The following ARHGEF18 variants were observed in gnomAD, a reference collection of about 807,000 sequenced individuals.
ARHGEF18 encodes rho guanine nucleotide exchange factor 18.
Under a neutral mutation model 155.7 loss-of-function variants are expected in ARHGEF18, and 93 were observed. That is an observed-to-expected ratio of 0.60 (90% CI 0.50 to 0.71). The LOEUF is 0.71. Among genes scored for constraint, ARHGEF18 ranks in the 30% least tolerant of loss-of-function variants. ARHGEF18 has a pLI of 0.00. For synonymous variants in ARHGEF18, 742 were observed against 753.1 expected (o/e 0.99, Z 0.24); for missense variants, 1,593 against 1,816.1 (o/e 0.88, Z 2.23).
rs1275484977 is a variant in ARHGEF18, at chr19:7,470,150, C to T, written c.3938C>T (p.Pro1313Leu). The change falls in exon 29 of 29, where the codon CCA becomes CTA. Residue 1313 changes from proline to leucine, a missense_variant. Physicochemically the swap from Pro to Leu is moderately conservative, Grantham distance 98 (BLOSUM62 -3). Transcript: ENST00000668164. This position sits in a 1 kb window ranked among gnomAD's most constrained non-coding sequence, Gnocchi z 5.9. ...PPDPGFPAPS[P>L]PPADSPSEGF... is the part of the protein sequence containing the mutation. Reference sequence around the variant, plus strand: ...GACCCTGGCTTCCCCGCCCCGAGCCCACCGCCAGCTGACAGCCCCTCCGAG... The same window carrying T: ...GACCCTGGCTTCCCCGCCCCGAGCCTACCGCCAGCTGACAGCCCCTCCGAG... 3 of 1,612,310 alleles carry T rather than the reference C, an allele frequency of 1.9e-6. No homozygotes were observed. Among genetic ancestry groups the T allele is most frequent in the South Asian group, 2.2e-5 (2 of 91,074 alleles).
rs201860068 is a variant in ARHGEF18 at position 7,467,322 on chromosome 19, C to A, written c.3118C>A (p.Gln1040Lys). 616 of 1,539,134 alleles carry A rather than the reference C, an allele frequency of 4.0e-4. 3 individuals carry two copies. In the African/African-American group the frequency reaches 7.6e-3, roughly 19 times the overall value. Residue 1040 changes from glutamine to lysine, a missense_variant, in exon 26 of 29, where the codon CAG (glutamine) becomes AAG (lysine). Coordinates refer to ENST00000668164, the MANE Select transcript of ARHGEF18 (RefSeq NM_001367823.1). Reference protein sequence around the residue: ...QSTRGNLLLEQERQRNFEKQR... With the variant: ...QSTRGNLLLEKERQRNFEKQR... ...GACGCGTGGGAACCTGCTGCTGGAGCAGGAGCGGCAACGCAACTTCGAGAA... is the reference window on the plus strand; with the variant it reads ...GACGCGTGGGAACCTGCTGCTGGAGAAGGAGCGGCAACGCAACTTCGAGAA...
chr19:7,390,045 A>G (rs2145501981), intron 10 of ARHGEF18, among the ~76,000 whole-genome samples: 1 of 152,120 alleles, frequency 6.6e-6, no homozygotes, highest in South Asian at 2.1e-4. Context: ...AATGTTTAAA[A>G]GTTAGCCAGG....
chr19:7,463,752 C>T lies in ARHGEF18; in HGVS notation c.2636-66C>T, dbSNP rs549381941. 17 of 1,495,662 alleles carry T rather than the reference C, an allele frequency of 1.1e-5. No homozygotes were observed. The Admixed American group carries it at 2.0e-4, about 18-fold the overall frequency. The allele number at this position is 1,495,662 out of a possible 1,614,324, so 92.6% of individuals were successfully genotyped here. ...GTCCACCCGGGTCTCGCTGCCCCAG[C>T]GCTCCGTATTCCCCCAGCACACTTC... On this transcript the variant is annotated intron_variant, in intron 21 of 28. Coordinates refer to ENST00000668164, the MANE Select transcript of ARHGEF18 (RefSeq NM_001367823.1). The surrounding 1 kb of genome is among the most constrained non-coding windows in gnomAD (Gnocchi z 5.2).
intron 6 of ARHGEF18, 29 bp from the exon 7 acceptor site, chr19:7,379,093 C>G: frequency 8.1e-7 from 1 of 1,231,988 alleles, no homozygotes; most frequent in South Asian, 4.1e-5. Flanking sequence ...CTACCATGGG[C>G]TGTTCTAATC....
At chr19:7,465,245 C>T (rs1356818058) in intron 23 of ARHGEF18, among the ~76,000 whole-genome samples, 2 of 152,180 alleles carry the variant, frequency 1.3e-5, no homozygotes, top group Non-Finnish European at 2.9e-5. Flanking sequence ...CAGATTTGTA[C>T]AAGTCAGCTG....
chr19:7,439,879 GGGTTGTTTTT>G, intron 10 of ARHGEF18: 1 of 1,450,938 alleles, frequency 6.9e-7, no homozygotes. Context: ...GAGCCTGGAG[GGGTTGTTTTT>G]TTTTTCTGTT....
At chr19:7,368,294 G>GA (rs1466324127) in intron 2 of ARHGEF18, among the ~76,000 whole-genome samples, 2 of 152,004 alleles carry the variant, frequency 1.3e-5, no homozygotes, top group Non-Finnish European at 2.9e-5. Flanking sequence ...TTTGATGGGG[G>GA]ATCCCATCCC....
chr19:7,367,977 AAGAGAGAG>A (rs537429456), intron 2 of ARHGEF18, among the ~76,000 whole-genome samples: 3,610 of 66,720 alleles, frequency 0.054, 291 homozygotes, highest in African/African-American at 0.2. Flanking sequence ...AAAGGAAAGA[AAGAGAGAG>A]AGAGAGAGAG....
chr19:7,472,582 C>T (rs1281344467), downstream of ARHGEF18: 4 of 181,324 alleles, frequency 2.2e-5, 1 homozygote, highest in Non-Finnish European at 4.8e-5. Context: ...CCCCATGGCT[C>T]CTGCCCCTCA....
chr19:7,442,318 C>T (rs1199178406), intron 13 of ARHGEF18, among the ~76,000 whole-genome samples: 1 of 151,972 alleles, frequency 6.6e-6, no homozygotes, highest in Non-Finnish European at 1.5e-5. Context: ...CTCACTGCAG[C>T]CTCGACCTGG....
intron 13 of ARHGEF18, among the ~76,000 whole-genome samples, chr19:7,443,960 G>A (rs976741079): frequency 2.6e-5 from 4 of 151,708 alleles, no homozygotes; most frequent in African/African-American, 7.3e-5. Flanking sequence ...GACACTGGGC[G>A]CAAAACCCTC....
At chr19:7,366,015 G>A (rs1416714566) in intron 2 of ARHGEF18, among the ~76,000 whole-genome samples, 2 of 152,074 alleles carry the variant, frequency 1.3e-5, no homozygotes, top group Admixed American at 6.6e-5. Context: ...GCACAATCTC[G>A]GCTCACTGCA....
chr19:7,361,672 C>G (rs1969554982), intron 1 of ARHGEF18, among the ~76,000 whole-genome samples: 1 of 152,082 alleles, frequency 6.6e-6, no homozygotes, highest in Non-Finnish European at 1.5e-5. Flanking sequence ...TATCTCCATG[C>G]AATTGAATAT....
At chr19:7,372,393 G>T (rs1326219917) in intron 2 of ARHGEF18, among the ~76,000 whole-genome samples, 3 of 151,808 alleles carry the variant, frequency 2.0e-5, no homozygotes, top group East Asian at 3.9e-4. Flanking sequence ...CAAATACAAT[G>T]ACTGGGAGGA....
intron 1 of ARHGEF18, among the ~76,000 whole-genome samples, chr19:7,361,638 G>C (rs935267526): frequency 2.6e-5 from 4 of 152,108 alleles, no homozygotes. Flanking sequence ...TCCATCAACA[G>C]ATCAATGGAT....
At chr19:7,382,984 TG>T in intron 9 of ARHGEF18, 77 bp from the exon 10 acceptor site, 1 of 1,232,196 alleles carries the variant, frequency 8.1e-7, no homozygotes, top group Non-Finnish European at 1.0e-6. Flanking sequence ...CTGGGGCTGG[TG>T]GTGGGCTGGG....
At position 7,466,945 on chromosome 19, in the gene ARHGEF18, C is replaced by T; in HGVS notation, c.2932C>T (p.Pro978Ser). The change falls in exon 24 of 29, where the codon CCC becomes TCC. Residue 978 changes from proline to serine, a missense_variant. Coordinates refer to ENST00000668164, the MANE Select transcript of ARHGEF18 (RefSeq NM_001367823.1). ...GGAGGCGCCAGGCACGGAATCCGAT[C>T]CCCGTCTGCCCACCGTCCTGGAGTC... is the stretch of plus-strand genomic sequence containing the variant. ...VVEAPGTESD[P>S]RLPTVLESEL... is the part of the protein sequence containing the mutation. 2 of 1,613,528 alleles carry T rather than the reference C, an allele frequency of 1.2e-6. No homozygotes were observed. The highest frequency in any genetic ancestry group is 8.5e-7 in the Non-Finnish European group (1 of 1,179,998).
At chr19:7,453,316 G>A in intron 16 of ARHGEF18, 151 bp from the exon 17 acceptor site, 1 of 750,482 alleles carries the variant, frequency 1.3e-6, no homozygotes, top group Non-Finnish European at 1.9e-6. Flanking sequence ...TCTGAGTGGT[G>A]GCCTTGGAGA....
In ARHGEF18 at chr19:7,440,267, G is replaced by A. The variant is rs559892946; in HGVS notation, c.968-77G>A. Reference sequence around the variant, plus strand: ...TGTCTGTGCTGCGGCCGCAGTCGGAGCGGGGCTTCCGCGCCGGGGACCTCC... The same window carrying A: ...TGTCTGTGCTGCGGCCGCAGTCGGAACGGGGCTTCCGCGCCGGGGACCTCC... On this transcript the variant is annotated intron_variant, in intron 10 of 28. Coordinates refer to ENST00000668164, the MANE Select transcript of ARHGEF18 (RefSeq NM_001367823.1). The surrounding 1 kb of genome is among the most constrained non-coding windows in gnomAD (Gnocchi z 5.4). 2 of 1,559,206 alleles carry A rather than the reference G, an allele frequency of 1.3e-6. No homozygotes were observed. The highest frequency in any genetic ancestry group is 1.7e-6 in the Non-Finnish European group (2 of 1,151,614).
Sources: allele counts gnomAD v4.1 joint callset (sites outside exome capture counted in the v4.1 genomes callset), GRCh38; gene constraint gnomAD v4.1.1; non-coding constraint Gnocchi (gnomAD v3.1); transcripts MANE v1.5; gene names NCBI Gene and HGNC (gene_info 2026-07-23, HGNC 2026-07-21).